IRAK3: variants seen among roughly 807,000 people sequenced by gnomAD.
IRAK3 encodes the protein interleukin 1 receptor associated kinase 3.
IRAK3 carries 57 observed loss-of-function variants against 56.6 expected under a neutral mutation model. The ratio of observed to expected loss-of-function variants is 1.01; its 90% CI spans 0.81 to 1.26. The LOEUF is 1.26. Ranked by LOEUF, IRAK3 falls within the 50% of genes most tolerant of loss-of-function variation. The pLI, the probability that IRAK3 is intolerant of heterozygous loss-of-function variation, is 0.00. For synonymous variants in IRAK3, 258 were observed against 255.7 expected (o/e 1.01, Z -0.09); for missense variants, 703 against 719.0 (o/e 0.98, Z 0.25).
At chr12:66,214,688 C>A (rs970813289) in intron 5 of IRAK3, among the ~76,000 whole-genome samples, 6 of 151,950 alleles carry the variant, frequency 3.9e-5, no homozygotes, top group African/African-American at 1.5e-4. Flanking sequence ...TATCTAGGAG[C>A]TTTTTAAAAA....
In IRAK3 at chr12:66,230,030, T is replaced by G. The variant is rs544639341; in HGVS notation, c.887+1660T>G. 3.3e-5 allele frequency among the ~76,000 whole-genome samples: 5 copies of G among 152,128 alleles called. No homozygotes were observed. In the South Asian group the frequency reaches 1.0e-3, roughly 32 times the overall value. ...AGAAAGAAAAGAGAAGGTGTTGGGG[T>G]TTTGGCTCTTGATGGGAGATGGGGA... On this transcript the variant is annotated intron_variant, in intron 8 of 11. Coordinates refer to ENST00000261233, the MANE Select transcript of IRAK3 (RefSeq NM_007199.3).
intron 4 of IRAK3, 106 bp from the exon 5 acceptor site, chr12:66,211,340 A>G (rs1255029393): frequency 4.9e-6 from 4 of 816,258 alleles, no homozygotes; most frequent in Non-Finnish European, 8.1e-6. Context: ...GCCTTTCTCT[A>G]CTAACCTTCC....
chr12:66,201,276 G>T (rs1354690987), intron 1 of IRAK3, among the ~76,000 whole-genome samples: 1 of 152,130 alleles, frequency 6.6e-6, no homozygotes, highest in Non-Finnish European at 1.5e-5. Flanking sequence ...CCTGCTGGAG[G>T]GCAGCTTCCA....
Position 66,189,304 on chromosome 12 carries a change from C to CG in IRAK3, c.9dup (p.Asn4GlufsTer56), listed in dbSNP as rs1565795703. 2.0e-6 allele frequency: 3 copies of CG among 1,536,016 alleles called. No individual in the cohort carries two copies. The East Asian group carries it at 7.3e-5, about 37-fold the overall frequency. The stretch of plus-strand genomic sequence containing the variant: ...CGGGGCTCGGGCAGCCGAGCCATGG[C>CG]GGGGAACTGTGGGGCCCGCGGCGCG... On this transcript the variant is annotated frameshift_variant, in exon 1 of 12. Coordinates refer to ENST00000261233, the MANE Select transcript of IRAK3 (RefSeq NM_007199.3). LOFTEE classifies it high-confidence loss of function.
intron 1 of IRAK3, among the ~76,000 whole-genome samples, chr12:66,195,850 T>C (rs553955869): frequency 8.8e-4 from 134 of 151,702 alleles, no homozygotes; most frequent in African/African-American, 2.9e-3. Context: ...AGAGACGGGG[T>C]TTAACTATGT....
Position 66,249,738 on chromosome 12 carries a change from C to T in IRAK3, c.*1567C>T, listed in dbSNP as rs1195429281. 1 of 13,856 alleles carries T rather than the reference C, an allele frequency of 7.2e-5. No homozygotes were observed. The highest frequency in any genetic ancestry group is 2.4e-4 in the Non-Finnish European group (1 of 4,130). 0.9% of individuals were successfully genotyped at this position (13,856 alleles called of 1,614,324 possible). ...ACATTTCAGATCTCCCTCTCTCTGTCTGTCTCACCGCATCTCTTCACTACC... is the reference window on the plus strand; with the variant it reads ...ACATTTCAGATCTCCCTCTCTCTGTTTGTCTCACCGCATCTCTTCACTACC... On this transcript the variant is annotated 3_prime_UTR_variant, in exon 12 of 12. Coordinates refer to ENST00000261233, the MANE Select transcript of IRAK3 (RefSeq NM_007199.3).
intron 8 of IRAK3, among the ~76,000 whole-genome samples, chr12:66,238,098 A>G (rs886975172): frequency 3.3e-5 from 5 of 152,166 alleles, no homozygotes; most frequent in African/African-American, 1.2e-4. Context: ...TTTATGGAGG[A>G]AGTGAATCTT....
chr12:66,236,162 C>A (rs1388620438), intron 8 of IRAK3, among the ~76,000 whole-genome samples: 1 of 152,130 alleles, frequency 6.6e-6, no homozygotes, highest in Non-Finnish European at 1.5e-5. Context: ...TGAATAACAT[C>A]TTTTGTCTAA....
In IRAK3 at chr12:66,247,760, A is replaced by G. The variant is rs777313916; in HGVS notation, c.1380A>G (p.Leu460=). The G allele has an allele frequency of 1.1e-5, 17 of 1,614,186 alleles. No individual in the cohort carries two copies. The highest frequency in any genetic ancestry group is 8.8e-5 in the South Asian group (8 of 91,092). ...LYFAEDPPTS[L]KSFRCPSPLF... ...TTGCTGAAGATCCTCCCACATCACT[A>G]AAGTCCTTCAGGTGTCCTTCTCCTC... Residue 460 remains leucine (L), a synonymous_variant, in exon 12 of 12, where the codon CTA becomes CTG. Transcript: ENST00000261233.
intron 6 of IRAK3, among the ~76,000 whole-genome samples, chr12:66,218,963 T>C (rs139921578): frequency 0.016 from 2,406 of 152,324 alleles, 67 homozygotes; most frequent in African/African-American, 0.053. Flanking sequence ...TAGCATAATG[T>C]CTTCCAGGTT....
At chr12:66,222,997 A>G (rs2052750252) in intron 6 of IRAK3, among the ~76,000 whole-genome samples, 1 of 151,240 alleles carries the variant, frequency 6.6e-6, no homozygotes, top group Non-Finnish European at 1.5e-5. Context: ...GTAAAGGAAA[A>G]TTACAGTCAA....
chr12:66,214,350 C>T (rs940899180), intron 5 of IRAK3, among the ~76,000 whole-genome samples: 3 of 151,490 alleles, frequency 2.0e-5, no homozygotes, highest in Non-Finnish European at 2.9e-5. Flanking sequence ...ATGGTGAAAC[C>T]CTGTCTCTAC....
chr12:66,227,410 G>T (rs1329206047), intron 7 of IRAK3, among the ~76,000 whole-genome samples: 1 of 152,008 alleles, frequency 6.6e-6, no homozygotes, highest in Non-Finnish European at 1.5e-5. Context: ...GAACAACATG[G>T]TGAAACCCCG....
At chr12:66,201,229 A>G (rs2052504583) in intron 1 of IRAK3, among the ~76,000 whole-genome samples, 1 of 152,208 alleles carries the variant, frequency 6.6e-6, no homozygotes, top group African/African-American at 2.4e-5. Flanking sequence ...CCATTGGTGG[A>G]CAGGGGAGTC....
rs574785665 is a variant in IRAK3, at chr12:66,233,193, A to C, written c.887+4823A>C. On this transcript the variant is annotated intron_variant, in intron 8 of 11. Coordinates refer to ENST00000261233, the MANE Select transcript of IRAK3 (RefSeq NM_007199.3). ...AAAGAGTTAAGGCAAATTGGAATTC[A>C]TAGAAAAGGATAAGACACTTCACAC... Among the ~76,000 whole-genome samples, 5 of 152,274 alleles carry C rather than the reference A, an allele frequency of 3.3e-5. No homozygotes were observed. The South Asian group carries it at 1.0e-3, about 32-fold the overall frequency.
chr12:66,238,548 T>G (rs765823596), intron 8 of IRAK3, among the ~76,000 whole-genome samples: 1 of 152,138 alleles, frequency 6.6e-6, no homozygotes, highest in Non-Finnish European at 1.5e-5. Context: ...GTTGGCGTCA[T>G]CAGCAGAGAC....
rs770625555 is a variant in IRAK3, at chr12:66,234,886, C to T, written c.887+6516C>T. On this transcript the variant is annotated intron_variant, in intron 8 of 11. Coordinates refer to ENST00000261233, the MANE Select transcript of IRAK3 (RefSeq NM_007199.3). Reference sequence around the variant, plus strand: ...TGTAGAGGTTGGTAGGATCTTGTTCCTGTTGCTTTGCCATTTGAGCTTGAA... The same window carrying T: ...TGTAGAGGTTGGTAGGATCTTGTTCTTGTTGCTTTGCCATTTGAGCTTGAA... 1.7e-5 allele frequency: 27 copies of T among 1,613,816 alleles called. No homozygotes were observed. The Admixed American group carries it at 2.2e-4, about 13-fold the overall frequency.
chr12:66,190,193 G>A (rs986459088), intron 1 of IRAK3, among the ~76,000 whole-genome samples: 1 of 152,176 alleles, frequency 6.6e-6, no homozygotes. Flanking sequence ...TCATGATTAT[G>A]TCAAAATAAC....
chr12:66,202,326 T>C (rs889555029), intron 1 of IRAK3, among the ~76,000 whole-genome samples: 1 of 152,106 alleles, frequency 6.6e-6, no homozygotes, highest in African/African-American at 2.4e-5. Context: ...GGCACCAGGA[T>C]TGAGCTTCTA....
Sources: allele counts gnomAD v4.1 joint callset (sites outside exome capture counted in the v4.1 genomes callset), GRCh38; gene constraint gnomAD v4.1.1; transcripts MANE v1.5; gene names NCBI Gene and HGNC (gene_info 2026-07-23, HGNC 2026-07-21).